Variants in ZNF69 observed in about 807,000 individuals in gnomAD.
The protein encoded by ZNF69 is ZNF3.
Under a neutral mutation model 50.9 loss-of-function variants are expected in ZNF69, and 47 were observed. The ratio of observed to expected loss-of-function variants is 0.92; its 90% CI spans 0.73 to 1.18. The LOEUF (loss-of-function observed/expected upper bound fraction) is 1.18. Among genes scored for constraint, ZNF69 ranks in the 50% most tolerant of loss-of-function variants. The pLI, the probability that ZNF69 is intolerant of heterozygous loss-of-function variation, is 0.00. For missense variants in ZNF69, 717 were observed against 675.1 expected, an observed-to-expected ratio of 1.06 and a Z score of -0.69; for synonymous variants, 216 against 223.1, an observed-to-expected ratio of 0.97 and a Z score of 0.29.
chr19:11,963,088 A>AGAGAGAGAGAGAGAGAGAGAGAGTGTGT, the ZNF69 span, among the ~76,000 whole-genome samples: 24 of 138,310 alleles, frequency 1.7e-4, 1 homozygote, highest in African/African-American at 6.6e-4. Context: ...AGAGAGAGAG[A>AGAGAGAGAGAGAGAGAGAGAGAGTGTGT]GTGTGTGTGT....
the ZNF69 span, chr19:11,925,296 C>T: frequency 1.2e-6 from 2 of 1,609,742 alleles, no homozygotes; most frequent in Admixed American, 3.3e-5. Context: ...GACCAGATGT[C>T]GTGAGACGGG....
At chr19:11,947,757 G>A in the ZNF69 span, among the ~76,000 whole-genome samples, 26,234 of 152,148 alleles carry the variant, frequency 0.17, 4,784 homozygotes, top group African/African-American at 0.47. Flanking sequence ...TGTAATCCCA[G>A]TCCTTTGAGA....
At chr19:11,963,966 A>G in the ZNF69 span, among the ~76,000 whole-genome samples, 1 of 152,236 alleles carries the variant, frequency 6.6e-6, no homozygotes, top group African/African-American at 2.4e-5. Context: ...TTCCTCGCCC[A>G]TTTTATACAT....
chr19:11,960,145 G>C, the ZNF69 span, among the ~76,000 whole-genome samples: 1 of 149,592 alleles, frequency 6.7e-6, no homozygotes, highest in East Asian at 2.0e-4. Flanking sequence ...AATAATTCTC[G>C]TGCCTTAGCG....
intron 1 of ZNF69, among the ~76,000 whole-genome samples, chr19:11,888,263 T>C (rs279184): frequency 0.04 from 6,026 of 152,242 alleles, 420 homozygotes; most frequent in African/African-American, 0.14. Flanking sequence ...ACCCAGATTG[T>C]GCGGGGGCCA....
At chr19:11,948,899 C>G in the ZNF69 span, 2 of 1,603,888 alleles carry the variant, frequency 1.2e-6, no homozygotes, top group Non-Finnish European at 8.5e-7. Flanking sequence ...AGTTCTAGTT[C>G]CTATCATAGA....
chr19:11,916,959 C>G (rs1972527764), downstream of ZNF69, among the ~76,000 whole-genome samples: 1 of 152,162 alleles, frequency 6.6e-6, no homozygotes, highest in South Asian at 2.1e-4. Flanking sequence ...TGATTTGACT[C>G]GTCCTGAGTT....
the ZNF69 span, among the ~76,000 whole-genome samples, chr19:11,942,365 TTAA>T: frequency 6.6e-6 from 1 of 152,020 alleles, no homozygotes; most frequent in Non-Finnish European, 1.5e-5. Flanking sequence ...TTTCTGCCTA[TTAA>T]TTCATAGGAC....
the ZNF69 span, among the ~76,000 whole-genome samples, chr19:11,955,282 G>C: frequency 6.6e-6 from 1 of 151,922 alleles, no homozygotes; most frequent in Non-Finnish European, 1.5e-5. Context: ...GGATACAGGC[G>C]TGAGATACCG....
chr19:11,932,460 A>G, the ZNF69 span, among the ~76,000 whole-genome samples: 1 of 148,538 alleles, frequency 6.7e-6, no homozygotes. Context: ...AAACTAACTA[A>G]AAGTATTACA....
At chr19:11,946,070 C>T in the ZNF69 span, among the ~76,000 whole-genome samples, 3 of 152,176 alleles carry the variant, frequency 2.0e-5, no homozygotes, top group African/African-American at 4.8e-5. Context: ...ACCATGGGCT[C>T]GTTAGGGGCA....
At chr19:11,949,148 A>C in the ZNF69 span, 2 of 1,612,346 alleles carry the variant, frequency 1.2e-6, no homozygotes, top group East Asian at 2.2e-5. Context: ...TATTCTGCCA[A>C]GTCATTTCAA....
rs564861229 is a variant in ZNF69, at chr19:11,894,775, C to T, written c.63+6789C>T. 3.9e-5 allele frequency among the ~76,000 whole-genome samples: 6 copies of T among 152,224 alleles called. No individual in the cohort carries two copies. The South Asian group carries it at 1.0e-3, about 26-fold the overall frequency. On this transcript the variant is annotated intron_variant, in intron 1 of 3. Transcript: ENST00000429654. ...GCTTTTCTTTCCCAGTCCCAGTTTTCGTAAGTTGGAGACACATGGCTGGTC... is the reference window on the plus strand; with the variant it reads ...GCTTTTCTTTCCCAGTCCCAGTTTTTGTAAGTTGGAGACACATGGCTGGTC...
At chr19:11,901,056 C>A (rs575185489) in intron 1 of ZNF69, among the ~76,000 whole-genome samples, 1 of 152,114 alleles carries the variant, frequency 6.6e-6, no homozygotes, top group Non-Finnish European at 1.5e-5. Flanking sequence ...GTTTCAATAC[C>A]ATTTGTTTTG....
At chr19:11,908,629 C>G (rs1204888460), downstream of ZNF69, among the ~76,000 whole-genome samples, 1 of 152,076 alleles carries the variant, frequency 6.6e-6, no homozygotes, top group African/African-American at 2.4e-5. Context: ...CCAATGAGAA[C>G]AAAGACACAA....
At chr19:11,956,517 A>C in the ZNF69 span, 1 of 398,566 alleles carries the variant, frequency 2.5e-6, no homozygotes, top group African/African-American at 2.1e-5. Context: ...GCCTGAGTCC[A>C]GTGACTGCAA....
the ZNF69 span, chr19:11,978,137 C>G: frequency 6.2e-7 from 1 of 1,613,002 alleles, no homozygotes; most frequent in African/African-American, 1.3e-5. Flanking sequence ...AAGGGAATGT[C>G]AATGAAATTA....
chr19:11,976,988 C>A, the ZNF69 span: 1 of 1,610,672 alleles, frequency 6.2e-7, no homozygotes, highest in Non-Finnish European at 8.5e-7. Context: ...TCTAGGCCCC[C>A]ACTGCTGTCA....
chr19:11,904,268 C>A (rs1486288563), intron 3 of ZNF69, among the ~76,000 whole-genome samples: 2 of 152,014 alleles, frequency 1.3e-5, no homozygotes, highest in African/African-American at 4.8e-5. Flanking sequence ...GTCTGTAGTC[C>A]CAGCTACTCA....
Sources: gnomAD v4.1 joint callset for allele counts (sites outside exome capture counted in the v4.1 genomes callset) on GRCh38, gnomAD v4.1.1 for gene constraint, MANE v1.5 for transcripts, NCBI Gene and HGNC (gene_info 2026-07-23, HGNC 2026-07-21) for gene names.